Variants in MYO1H observed in about 807,000 individuals in gnomAD.
MYO1H encodes unconventional myosin-Ih.
In MYO1H, 118 loss-of-function variants were observed where a neutral mutation model predicts 149.3. That is an observed-to-expected ratio of 0.79 (90% CI 0.68 to 0.92). The LOEUF (loss-of-function observed/expected upper bound fraction) is 0.92, where lower values mean the gene tolerates loss of function less well. Among genes scored for constraint, MYO1H ranks in the 40% least tolerant of loss-of-function variants. The pLI is 0.00. For missense variants in MYO1H, 1,212 were observed against 1,280.7 expected (o/e 0.95, Z 0.82); for synonymous variants, 447 against 465.2 (o/e 0.96, Z 0.50).
intron 8 of MYO1H, 85 bp from the exon 9 acceptor site, chr12:109,406,704 G>A (rs73194209): frequency 0.045 from 58,748 of 1,306,284 alleles, 1,530 homozygotes; most frequent in Middle Eastern, 0.063. Flanking sequence ...CTGGGTAACA[G>A]AGCCATACCT....
At chr12:109,445,580 G>A (rs539128825) in exon 31 of MYO1H, 13 of 1,612,706 alleles carry the variant, frequency 8.1e-6, no homozygotes, top group Non-Finnish European at 1.1e-5. Context: ...GGAAGAACAA[G>A]TCTATAAAAA....
chr12:109,427,643 C>A, intron 19 of MYO1H, 57 bp downstream of exon 19: 1 of 1,241,302 alleles, frequency 8.1e-7, no homozygotes, highest in Non-Finnish European at 1.2e-6. Flanking sequence ...ACATGAGAAT[C>A]TCTGGGGTTT....
intron 1 of MYO1H, among the ~76,000 whole-genome samples, chr12:109,352,118 A>T (rs1868474130): frequency 6.6e-6 from 1 of 152,144 alleles, no homozygotes; most frequent in South Asian, 2.1e-4. Flanking sequence ...TGGGGAATGG[A>T]TTCCTTGTCG....
chr12:109,423,419 C>T (rs1228414809), intron 16 of MYO1H, among the ~76,000 whole-genome samples: 1 of 152,222 alleles, frequency 6.6e-6, no homozygotes, highest in Admixed American at 6.5e-5. Flanking sequence ...GCCTTGGTCT[C>T]CCAATGTGCT....
At chr12:109,340,109 C>G in the MYO1H span, among the ~76,000 whole-genome samples, 1 of 152,146 alleles carries the variant, frequency 6.6e-6, no homozygotes. Flanking sequence ...CATACAATAT[C>G]CATTTAAAAG....
At chr12:109,340,403 A>G in the MYO1H span, among the ~76,000 whole-genome samples, 76,973 of 151,980 alleles carry the variant, frequency 0.51, 20,289 homozygotes, top group African/African-American at 0.63. Context: ...TCCTGACCTT[A>G]GGTGATCCAC....
the MYO1H span, among the ~76,000 whole-genome samples, chr12:109,332,467 A>G: frequency 6.6e-6 from 1 of 152,212 alleles, no homozygotes; most frequent in Non-Finnish European, 1.5e-5. Flanking sequence ...GCTCAGGCCT[A>G]AGGCTGGAAA....
In MYO1H at chr12:109,436,630, TTC is replaced by T. The variant is rs1412444373; in HGVS notation, c.2209+79_2209+80del. On this transcript the variant is annotated intron_variant, in intron 22 of 31. Transcript: ENST00000310903. ...TGGCACCTGGGGGCACATTTGTGAG[TTC>T]TCTCCCCCTGCTCATCCTTAAAACC... 2.6e-5 allele frequency: 26 copies of T among 1,006,032 alleles called. 1 individual carries two copies. 62.3% of individuals were successfully genotyped at this position (1,006,032 alleles called of 1,614,324 possible).
Position 109,393,551 on chromosome 12 carries a change from C to CCATCCATCCATCCATT in MYO1H, c.290+120_290+121insTCATCCATCCATCCAT, listed in dbSNP as rs1566025321. 505 of 607,318 alleles carry CCATCCATCCATCCATT rather than the reference C, an allele frequency of 8.3e-4. 4 individuals carry two copies. The highest frequency in any genetic ancestry group is 4.1e-4 in the Non-Finnish European group (138 of 337,612). 37.6% of individuals were successfully genotyped at this position (607,318 alleles called of 1,614,324 possible). A position where few individuals can be genotyped will look rare whatever the true frequency, so the allele number is the denominator to read the frequency against. ...TCTGTCCATCCATTCATCCATCCAT[C>CCATCCATCCATCCATT]CATCCATCCATCCATCCATCCATCC... is the stretch of plus-strand genomic sequence containing the variant. On this transcript the variant is annotated intron_variant, in intron 3 of 31. Transcript: ENST00000310903.
At chr12:109,408,479 T>G (rs1870495847) in intron 10 of MYO1H, among the ~76,000 whole-genome samples, 1 of 152,178 alleles carries the variant, frequency 6.6e-6, no homozygotes, top group African/African-American at 2.4e-5. Flanking sequence ...ATCTTTAAAT[T>G]TCAACAGTAA....
At chr12:109,440,153 G>GC in intron 24 of MYO1H, among the ~76,000 whole-genome samples, 1 of 151,846 alleles carries the variant, frequency 6.6e-6, no homozygotes, top group South Asian at 2.1e-4. Flanking sequence ...TGGTGTGTCA[G>GC]CCCCCCTGAA....
chr12:109,363,937 A>G (rs954652822), intron 1 of MYO1H, among the ~76,000 whole-genome samples: 2 of 150,158 alleles, frequency 1.3e-5, no homozygotes, highest in Non-Finnish European at 3.0e-5. Flanking sequence ...CAGTGGCTCA[A>G]GCCTGTAATC....
At chr12:109,323,012 C>T in the MYO1H span, among the ~76,000 whole-genome samples, 7 of 152,064 alleles carry the variant, frequency 4.6e-5, no homozygotes, top group East Asian at 1.2e-3. Context: ...GAGGCTGAGG[C>T]AGGAGAATCG....
At chr12:109,393,543 C>T (rs1376197050) in intron 3 of MYO1H, 97 bp downstream of exon 3, 1 of 527,304 alleles carries the variant, frequency 1.9e-6, no homozygotes, top group Non-Finnish European at 3.4e-6. Context: ...ATCCATTCAT[C>T]CATCCATCCA....
At chr12:109,384,176 C>G (rs537710943) in intron 1 of MYO1H, among the ~76,000 whole-genome samples, 2 of 152,168 alleles carry the variant, frequency 1.3e-5, no homozygotes, top group African/African-American at 2.4e-5. Flanking sequence ...GATGGCCATT[C>G]ATTCCTGAGT....
At chr12:109,399,591 CAAA>C (rs34417905) in intron 5 of MYO1H, among the ~76,000 whole-genome samples, 119 of 70,450 alleles carry the variant, frequency 1.7e-3, no homozygotes, top group African/African-American at 2.0e-3. Flanking sequence ...GACTCTGTCT[CAAA>C]AAAAAAAAAA....
rs35940183 is a variant in MYO1H, at chr12:109,442,997, G to GAAAAAAA, written c.2689-510_2689-504dup. Among the ~76,000 whole-genome samples, 15 of 67,802 alleles carry GAAAAAAA rather than the reference G, an allele frequency of 2.2e-4. 1 individual carries two copies. The highest frequency in any genetic ancestry group is 8.0e-4 in the African/African-American group (13 of 16,310). The allele number at this position is 67,802 out of a possible 152,430, so 44.5% of individuals were successfully genotyped here. ...AAATCCCCATCATGCAGAGAGCCAG[G>GAAAAAAA]AAAAAAAAAAAAATATATATATATA... On this transcript the variant is annotated intron_variant, in intron 27 of 31. Coordinates refer to ENST00000310903, the Ensembl canonical transcript of MYO1H.
chr12:109,423,107 T>A (rs570899316), intron 16 of MYO1H, among the ~76,000 whole-genome samples: 42 of 151,702 alleles, frequency 2.8e-4, no homozygotes, highest in African/African-American at 6.1e-4. Flanking sequence ...AAAAAAAAAT[T>A]TTTTTGAGAT....
chr12:109,396,617 C>A, intron 4 of MYO1H, 35 bp downstream of exon 4: 1 of 1,562,196 alleles, frequency 6.4e-7, no homozygotes, highest in Non-Finnish European at 8.7e-7. Context: ...GAAGGGAGTT[C>A]CAGGGAGGTC....
Sources: allele counts gnomAD v4.1 joint callset (sites outside exome capture counted in the v4.1 genomes callset), GRCh38; gene constraint gnomAD v4.1.1; transcripts MANE v1.5; gene names NCBI Gene and HGNC (gene_info 2026-07-23, HGNC 2026-07-21).